Variants in SLC36A1 observed in about 807,000 individuals in gnomAD.
SLC36A1 encodes proton-coupled amino acid transporter 1.
A neutral mutation model predicts 47.5 loss-of-function variants in SLC36A1; 30 were observed. The ratio of observed to expected loss-of-function variants is 0.63; its 90% CI spans 0.47 to 0.86. The LOEUF (loss-of-function observed/expected upper bound fraction) is 0.86, where lower values mean the gene tolerates loss of function less well. Ranked by LOEUF, SLC36A1 falls within the 40% of genes least tolerant of loss-of-function variation. The pLI is 0.00. For synonymous variants in SLC36A1, 255 were observed against 249.7 expected (o/e 1.02, Z -0.20); for missense variants, 517 against 606.0 (o/e 0.85, Z 1.54).
At chr5:151,357,977 T>C in the SLC36A1 span, among the ~76,000 whole-genome samples, 1 of 152,214 alleles carries the variant, frequency 6.6e-6, no homozygotes. Context: ...AGCTCCAGGC[T>C]GCATTGTGGT....
chr5:151,369,926 T>G, the SLC36A1 span, among the ~76,000 whole-genome samples: 4 of 152,142 alleles, frequency 2.6e-5, no homozygotes, highest in African/African-American at 9.7e-5. Context: ...TCTGGAGTAG[T>G]AGGGACTACA....
chr5:151,402,345 A>G, the SLC36A1 span, among the ~76,000 whole-genome samples: 1 of 152,162 alleles, frequency 6.6e-6, no homozygotes, highest in Non-Finnish European at 1.5e-5. Flanking sequence ...AATAAAGTCT[A>G]GTTGATCCTG....
Position 151,490,571 on chromosome 5 carries a change from A to C in SLC36A1, c.*2317A>C, listed in dbSNP as rs1291803476. On this transcript the variant is annotated 3_prime_UTR_variant, in exon 11 of 11. Coordinates refer to ENST00000243389, the MANE Select transcript of SLC36A1 (RefSeq NM_078483.4). ...GGTCCCCCAGCTCTTAGCAGGATGC[A>C]GGCTATTGCTTCCACACCCCTGGCC... 1 of 152,342 alleles carries C rather than the reference A, an allele frequency of 6.6e-6. No homozygotes were observed. Among genetic ancestry groups the C allele is most frequent in the Non-Finnish European group, 1.5e-5 (1 of 68,120 alleles). 9.4% of individuals were successfully genotyped at this position (152,342 alleles called of 1,614,324 possible). A position where few individuals can be genotyped will look rare whatever the true frequency, so the allele number is the denominator to read the frequency against.
chr5:151,554,673 C>A, the SLC36A1 span: 3 of 1,608,906 alleles, frequency 1.9e-6, no homozygotes, highest in Non-Finnish European at 1.7e-6. Flanking sequence ...AGCACAGTCA[C>A]CTGGGAGCAG....
At chr5:151,370,024 C>T in the SLC36A1 span, among the ~76,000 whole-genome samples, 1 of 152,188 alleles carries the variant, frequency 6.6e-6, no homozygotes, top group East Asian at 1.9e-4. Flanking sequence ...TGGTCTCGAA[C>T]TCCTGACCTC....
upstream of SLC36A1, among the ~76,000 whole-genome samples, chr5:151,432,693 A>G (rs929573378): frequency 4.6e-5 from 7 of 152,300 alleles, no homozygotes; most frequent in Admixed American, 2.0e-4. Context: ...CTTTAAATGC[A>G]ATTTTCTCTG....
the SLC36A1 span, chr5:151,347,565 G>GT: frequency 2.1e-6 from 3 of 1,457,318 alleles, no homozygotes; most frequent in African/African-American, 2.8e-5. Flanking sequence ...ACAGTGGTGT[G>GT]TGCCCGGGCT....
the SLC36A1 span, chr5:151,553,269 C>T: frequency 6.2e-7 from 1 of 1,614,130 alleles, no homozygotes; most frequent in East Asian, 2.2e-5. Flanking sequence ...GACCGTAAAG[C>T]TGTAGTAGGT....
At chr5:151,516,716 C>A in the SLC36A1 span, among the ~76,000 whole-genome samples, 7 of 152,184 alleles carry the variant, frequency 4.6e-5, no homozygotes, top group Admixed American at 4.6e-4. Context: ...GAGACCCAAG[C>A]ACCTAGGACA....
Position 151,463,390 on chromosome 5 carries a change from C to T in SLC36A1, c.144-163C>T, listed in dbSNP as rs575348779. 3.3e-5 allele frequency among the ~76,000 whole-genome samples: 5 copies of T among 152,286 alleles called. No individual in the cohort carries two copies. The South Asian group carries it at 1.0e-3, about 32-fold the overall frequency. On this transcript the variant is annotated intron_variant, in intron 2 of 10. Coordinates refer to ENST00000243389, the MANE Select transcript of SLC36A1 (RefSeq NM_078483.4). ...GCCCAAATTTGAATCCTGCCCCAGCCCTTTACTAGGTATGTGACCTTGAGC... is the reference window on the plus strand; with the variant it reads ...GCCCAAATTTGAATCCTGCCCCAGCTCTTTACTAGGTATGTGACCTTGAGC...
chr5:151,434,450 T>C (rs1176872296), upstream of SLC36A1, among the ~76,000 whole-genome samples: 1 of 152,196 alleles, frequency 6.6e-6, no homozygotes, highest in Non-Finnish European at 1.5e-5. Flanking sequence ...ATGGATGGGC[T>C]TGATAGGAGA....
the SLC36A1 span, among the ~76,000 whole-genome samples, chr5:151,364,176 C>A: frequency 6.6e-6 from 1 of 152,088 alleles, no homozygotes; most frequent in African/African-American, 2.4e-5. Context: ...GATAAAATAA[C>A]CTAATATCTG....
At chr5:151,534,323 C>T in the SLC36A1 span, 1 of 1,088,142 alleles carries the variant, frequency 9.2e-7, no homozygotes, top group Non-Finnish European at 1.3e-6. Context: ...CCTTACCAGT[C>T]CTAGAGAGAC....
At chr5:151,390,909 T>A in the SLC36A1 span, among the ~76,000 whole-genome samples, 1 of 152,258 alleles carries the variant, frequency 6.6e-6, no homozygotes, top group South Asian at 2.1e-4. Flanking sequence ...TGTTCCCATA[T>A]GAACTTTAAA....
the SLC36A1 span, among the ~76,000 whole-genome samples, chr5:151,347,025 T>C: frequency 2.6e-5 from 4 of 152,190 alleles, no homozygotes; most frequent in Non-Finnish European, 5.9e-5. Context: ...CTAGCCCTTA[T>C]CCTGCCAATG....
At chr5:151,484,325 T>C (rs185157404) in intron 10 of SLC36A1, among the ~76,000 whole-genome samples, 4 of 152,334 alleles carry the variant, frequency 2.6e-5, no homozygotes, top group East Asian at 3.9e-4. Flanking sequence ...GAGATGCTTG[T>C]GTGGCTGGGA....
At chr5:151,421,694 G>A in the SLC36A1 span, among the ~76,000 whole-genome samples, 1 of 151,922 alleles carries the variant, frequency 6.6e-6, no homozygotes, top group South Asian at 2.1e-4. Flanking sequence ...GGGTTCAAGG[G>A]ATTCTCTTGC....
chr5:151,402,380 G>A, the SLC36A1 span, among the ~76,000 whole-genome samples: 1 of 152,144 alleles, frequency 6.6e-6, no homozygotes, highest in African/African-American at 2.4e-5. Flanking sequence ...GATGTGTGCT[G>A]TATTTGATTT....
the SLC36A1 span, chr5:151,380,778 G>A: frequency 1.3e-3 from 671 of 530,170 alleles, 6 homozygotes; most frequent in East Asian, 0.031. Context: ...GACATTGTGA[G>A]CGCAAGGCCT....
Sources: allele counts gnomAD v4.1 joint callset (sites outside exome capture counted in the v4.1 genomes callset), GRCh38; gene constraint gnomAD v4.1.1; transcripts MANE v1.5; gene names NCBI Gene and HGNC (gene_info 2026-07-23, HGNC 2026-07-21).